POLD2: variants seen among roughly 807,000 people sequenced by gnomAD.
The protein encoded by POLD2 is DNA polymerase delta 2, accessory subunit.
POLD2 carries 31 observed loss-of-function variants against 48.8 expected under a neutral mutation model. The ratio of observed to expected loss-of-function variants is 0.64; its 90% confidence interval spans 0.48 to 0.86. The LOEUF is 0.86. Ranked by LOEUF, POLD2 falls within the 40% of genes least tolerant of loss-of-function variation. The probability of loss-of-function intolerance (pLI) is 0.00; values close to 1 mark genes in which losing one functional copy is unlikely to be tolerated. For missense variants in POLD2, 455 were observed against 610.1 expected, an observed-to-expected ratio of 0.75 and a Z score of 2.68; for synonymous variants, 233 against 256.3, an observed-to-expected ratio of 0.91 and a Z score of 0.87.
chr7:44,120,538 TCTGTGTCCCCACC>T (rs1466440944), intron 2 of POLD2, among the ~76,000 whole-genome samples: 1 of 152,216 alleles, frequency 6.6e-6, no homozygotes, highest in Non-Finnish European at 1.5e-5. Flanking sequence ...ATGATTTGGC[TCTGTGTCCCCACC>T]CACATCTCAT....
intron 4 of POLD2, 108 bp downstream of exon 4, chr7:44,117,511 A>G: frequency 7.3e-7 from 1 of 1,367,810 alleles, no homozygotes; most frequent in Non-Finnish European, 1.0e-6. Context: ...ACGTGTGCCC[A>G]GGCCACACCC....
chr7:44,120,666 C>G (rs1403654888), intron 2 of POLD2, among the ~76,000 whole-genome samples: 3 of 152,102 alleles, frequency 2.0e-5, no homozygotes, highest in African/African-American at 7.2e-5. Flanking sequence ...TGAGTGAGAT[C>G]AAGCCATCAT....
intron 9 of POLD2, 90 bp from the exon 10 acceptor site, chr7:44,115,486 C>A: frequency 1.1e-6 from 1 of 905,498 alleles, no homozygotes; most frequent in Non-Finnish European, 1.8e-6. Flanking sequence ...CCTCCCATTG[C>A]AGGCCAGTAG....
chr7:44,123,483 T>C, intron 1 of POLD2, 28 bp downstream of exon 1: 1 of 1,495,892 alleles, frequency 6.7e-7, no homozygotes, highest in Non-Finnish European at 8.8e-7. Context: ...CACCCCCAGC[T>C]GACCCCGTTT....
chr7:44,122,902 A>G (rs993697088), intron 1 of POLD2: 3 of 152,420 alleles, frequency 2.0e-5, no homozygotes, highest in African/African-American at 7.2e-5. Context: ...AACAAACTGT[A>G]TATTTTAAAT....
At chr7:44,117,043 G>C in intron 5 of POLD2, 28 bp from the exon 6 acceptor site, 2 of 1,610,804 alleles carry the variant, frequency 1.2e-6, no homozygotes, top group Non-Finnish European at 1.7e-6. Context: ...GTCCTCCAGG[G>C]TGCCGAGAAG....
rs2096238609 is a variant in POLD2 at position 44,116,078 on chromosome 7, AG to A, written c.1019+36del. 1 of 1,612,864 alleles carries A rather than the reference AG, an allele frequency of 6.2e-7. No individual in the cohort carries two copies. The highest frequency in any genetic ancestry group is 8.5e-7 in the Non-Finnish European group (1 of 1,179,678). On this transcript the variant is annotated intron_variant, in intron 8 of 10. Transcript: ENST00000610533. This position sits in a 1 kb window ranked among gnomAD's most constrained non-coding sequence, Gnocchi z 6.1. ...CCTTCTTTGTGCCTCCTGAGGCAAA[AG>A]GCTGGGTCAGACTGAAGTGTGGCTG...
chr7:44,118,978 ATTTTC>A (rs893526857), intron 2 of POLD2, among the ~76,000 whole-genome samples: 3 of 151,960 alleles, frequency 2.0e-5, no homozygotes, highest in Non-Finnish European at 4.4e-5. Context: ...AATAACTGCC[ATTTTC>A]TTTTAAGACT....
rs761916622 is a variant in POLD2, at chr7:44,116,260, C to T, written c.874G>A (p.Val292Met). 2.8e-5 allele frequency: 45 copies of T among 1,609,826 alleles called. No individual in the cohort carries two copies. Among genetic ancestry groups the T allele is most frequent in the Middle Eastern group, 1.7e-4 (1 of 6,054 alleles). ...TCAAACTCGCCTGGCATCACGTCCACGGGCACTGAGGCCTGGAAGGCACAG... is the reference window on the plus strand; with the variant it reads ...TCAAACTCGCCTGGCATCACGTCCATGGGCACTGAGGCCTGGAAGGCACAG... ...ILLQLSASVP[V>M]DVMPGEFDPT... Residue 292 changes from valine (V) to methionine (M), a missense_variant, in exon 8 of 11, where the codon GTG (valine) becomes ATG (methionine). Coordinates refer to ENST00000610533, the MANE Select transcript of POLD2 (RefSeq NM_006230.4). The surrounding 1 kb of genome is among the most constrained non-coding windows in gnomAD (Gnocchi z 6.1).
intron 1 of POLD2, 111 bp downstream of exon 1, chr7:44,123,400 G>A: frequency 7.0e-7 from 1 of 1,433,460 alleles, no homozygotes; most frequent in Non-Finnish European, 9.1e-7. Context: ...TCGGATCCAC[G>A]CGGCAGCTGC....
intron 1 of POLD2, 41 bp from the exon 2 acceptor site, chr7:44,122,150 C>T: frequency 6.6e-7 from 1 of 1,505,312 alleles, no homozygotes; most frequent in Non-Finnish European, 8.9e-7. Context: ...CCTGTCCATC[C>T]CCCAAAGCAG....
chr7:44,122,556 A>C (rs1403184961), intron 1 of POLD2: 3 of 679,108 alleles, frequency 4.4e-6, no homozygotes, highest in Non-Finnish European at 5.5e-6. Flanking sequence ...AACCAAAACC[A>C]AAACATAAAT....
Position 44,116,806 on chromosome 7 carries a change from G to A in POLD2, c.780+11C>T, listed in dbSNP as rs761052350. ...GGGCTGGGGCTGAATGCAGCCAGGT[G>A]GGCTCCATACCTTATTGATAGAATC... On this transcript the variant is annotated intron_variant, in intron 6 of 10. Coordinates refer to ENST00000610533, the MANE Select transcript of POLD2 (RefSeq NM_006230.4). This position sits in a 1 kb window ranked among gnomAD's most constrained non-coding sequence, Gnocchi z 6.1. The A allele has an allele frequency of 2.5e-5, 41 of 1,612,396 alleles. No individual in the cohort carries two copies. In the Admixed American group the frequency reaches 6.5e-4, roughly 26 times the overall value.
At chr7:44,115,431 G>T (rs199561744) in intron 9 of POLD2, 35 bp from the exon 10 acceptor site, 5 of 1,277,448 alleles carry the variant, frequency 3.9e-6, no homozygotes, top group South Asian at 1.2e-5. Flanking sequence ...GGAGGGTTCC[G>T]CCTCAGCACT....
Position 44,122,026 on chromosome 7 carries a change from C to T in POLD2, c.28G>A (p.Ala10Thr). MFSEQAAQR[A>T]HTLLSPPSAN... ...GATGGTGGGGACAGTAGAGTGTGGGCCCTCTGGGCAGCCTGCTCAGAAAAC... is the reference window on the plus strand; with the variant it reads ...GATGGTGGGGACAGTAGAGTGTGGGTCCTCTGGGCAGCCTGCTCAGAAAAC... Residue 10 changes from alanine (A) to threonine (T), a missense_variant, in exon 2 of 11, where the codon GCC becomes ACC. By Grantham distance (58) the Ala-to-Thr change is moderately conservative. Transcript: ENST00000610533. The T allele has an allele frequency of 6.2e-7, 1 of 1,613,316 alleles. No individual in the cohort carries two copies. The highest frequency in any genetic ancestry group is 8.5e-7 in the Non-Finnish European group (1 of 1,180,030).
intron 2 of POLD2, among the ~76,000 whole-genome samples, chr7:44,119,239 G>A (rs907476571): frequency 2.0e-5 from 3 of 152,152 alleles, no homozygotes; most frequent in Non-Finnish European, 4.4e-5. Context: ...TGGAGAATCA[G>A]TGAGGGCAGG....
intron 2 of POLD2, among the ~76,000 whole-genome samples, chr7:44,119,686 A>G (rs1291421019): frequency 6.6e-6 from 1 of 152,242 alleles, no homozygotes; most frequent in African/African-American, 2.4e-5. Context: ...GCAGAATGAC[A>G]TCCCTGTAAC....
At chr7:44,117,799 T>C (rs1426313735) in intron 3 of POLD2, 57 bp from the exon 4 acceptor site, 3 of 1,609,682 alleles carry the variant, frequency 1.9e-6, no homozygotes, top group Non-Finnish European at 2.5e-6. Context: ...AAAGCTCTGG[T>C]GTTAGTGAGC....
chr7:44,117,821 C>T, intron 3 of POLD2, 79 bp from the exon 4 acceptor site: 3 of 1,601,052 alleles, frequency 1.9e-6, no homozygotes, highest in Non-Finnish European at 1.7e-6. Flanking sequence ...GGCACCGCAG[C>T]CCCCACCCCT....
Sources: allele counts gnomAD v4.1 joint callset (sites outside exome capture counted in the v4.1 genomes callset), GRCh38; gene constraint gnomAD v4.1.1; non-coding constraint Gnocchi (gnomAD v3.1); transcripts MANE v1.5; gene names NCBI Gene and HGNC (gene_info 2026-07-23, HGNC 2026-07-21).